The following PTPRK variants were observed in gnomAD, a reference collection of about 807,000 sequenced individuals.
The protein encoded by PTPRK is protein tyrosine phosphatase receptor type K, also known as receptor-type tyrosine-protein phosphatase kappa.
In PTPRK, 75 loss-of-function variants were observed where a neutral mutation model predicts 178.0. The observed-to-expected ratio is 0.42, with a 90% confidence interval of 0.35 to 0.51. The LOEUF is 0.51. PTPRK is among the 20% of genes least tolerant of loss of function. The pLI, the probability that PTPRK is intolerant of heterozygous loss-of-function variation, is 0.02. For synonymous variants in PTPRK, 637 were observed against 620.6 expected, an observed-to-expected ratio of 1.03 and a Z score of -0.39; for missense variants, 1,441 against 1,797.8, an observed-to-expected ratio of 0.80 and a Z score of 3.59.
chr6:128,341,814 G>T (rs1045914946), intron 2 of PTPRK, among the ~76,000 whole-genome samples: 1 of 152,152 alleles, frequency 6.6e-6, no homozygotes, highest in African/African-American at 2.4e-5. Context: ...GAGAATACAG[G>T]TTTATTTGTC....
intron 13 of PTPRK, among the ~76,000 whole-genome samples, chr6:128,061,141 C>T (rs1780730888): frequency 6.6e-6 from 1 of 151,868 alleles, no homozygotes; most frequent in Non-Finnish European, 1.5e-5. Context: ...GTTTTATTTT[C>T]TATTATAAAT....
At chr6:128,188,695 A>T (rs1470943637) in intron 6 of PTPRK, among the ~76,000 whole-genome samples, 2 of 152,200 alleles carry the variant, frequency 1.3e-5, no homozygotes, top group Admixed American at 6.5e-5. Flanking sequence ...ATCTGAAATC[A>T]GTACCACTCG....
At chr6:128,318,654 C>T (rs1259101775) in intron 3 of PTPRK, among the ~76,000 whole-genome samples, 7 of 152,266 alleles carry the variant, frequency 4.6e-5, no homozygotes, top group South Asian at 4.1e-4. Context: ...AAGTTACATA[C>T]GTCTGCCTGC....
At chr6:128,257,039 T>A (rs766754874) in intron 3 of PTPRK, among the ~76,000 whole-genome samples, 3 of 151,794 alleles carry the variant, frequency 2.0e-5, no homozygotes, top group Non-Finnish European at 2.9e-5. Flanking sequence ...GAGACCAGAC[T>A]GACCAACAAG....
intron 7 of PTPRK, among the ~76,000 whole-genome samples, chr6:128,137,442 A>G (rs1795170579): frequency 6.6e-6 from 1 of 152,120 alleles, no homozygotes; most frequent in Non-Finnish European, 1.5e-5. Flanking sequence ...AATTATCTTA[A>G]CTGCTATAGT....
intron 2 of PTPRK, among the ~76,000 whole-genome samples, chr6:128,374,726 A>T (rs1163261072): frequency 6.6e-6 from 1 of 152,036 alleles, no homozygotes; most frequent in Non-Finnish European, 1.5e-5. Context: ...TCCCATCCCA[A>T]TGTCTACTCT....
At chr6:128,147,675 T>A (rs1184722799) in intron 7 of PTPRK, among the ~76,000 whole-genome samples, 1 of 152,098 alleles carries the variant, frequency 6.6e-6, no homozygotes, top group Non-Finnish European at 1.5e-5. Flanking sequence ...CAAATGTTTT[T>A]AAAACTCTAT....
At chr6:128,190,852 C>G (rs928903214) in intron 6 of PTPRK, among the ~76,000 whole-genome samples, 17 of 152,096 alleles carry the variant, frequency 1.1e-4, no homozygotes, top group Non-Finnish European at 1.9e-4. Flanking sequence ...TTGTACTGGT[C>G]AAATAAAGTT....
chr6:128,172,509 C>T (rs989482162), intron 7 of PTPRK, among the ~76,000 whole-genome samples: 1 of 151,750 alleles, frequency 6.6e-6, no homozygotes, highest in African/African-American at 2.4e-5. Flanking sequence ...ATTATTTTCG[C>T]TCATTACCAA....
chr6:128,008,324 G>T (rs1778661198), intron 14 of PTPRK, among the ~76,000 whole-genome samples: 1 of 94,100 alleles, frequency 1.1e-5, no homozygotes, highest in South Asian at 3.9e-4. Context: ...CTGTACTTTT[G>T]CTTATAAATA....
intron 2 of PTPRK, among the ~76,000 whole-genome samples, chr6:128,341,057 A>C (rs1178961032): frequency 6.6e-6 from 1 of 152,134 alleles, no homozygotes; most frequent in East Asian, 1.9e-4. Flanking sequence ...TGCTTTAAAA[A>C]CATCAATATG....
intron 1 of PTPRK, among the ~76,000 whole-genome samples, chr6:128,459,507 A>G (rs559599417): frequency 6.6e-6 from 1 of 152,316 alleles, no homozygotes; most frequent in Non-Finnish European, 1.5e-5. Flanking sequence ...TAAAACACAG[A>G]CATCCACAGC....
intron 1 of PTPRK, among the ~76,000 whole-genome samples, chr6:128,413,465 T>C (rs1404419955): frequency 6.6e-6 from 1 of 152,158 alleles, no homozygotes; most frequent in Non-Finnish European, 1.5e-5. Context: ...AGTATAGGAA[T>C]GTCCTCTAGA....
chr6:128,505,266 A>G (rs1856157684), intron 1 of PTPRK, among the ~76,000 whole-genome samples: 1 of 150,606 alleles, frequency 6.6e-6, no homozygotes. Context: ...ACAGGAAGAA[A>G]CCCCATCTCT....
intron 5 of PTPRK, among the ~76,000 whole-genome samples, chr6:128,229,196 C>T (rs1050307845): frequency 1.3e-5 from 2 of 152,060 alleles, no homozygotes; most frequent in Admixed American, 6.5e-5. Flanking sequence ...GTATATTATC[C>T]ATGCAATAGC....
intron 8 of PTPRK, among the ~76,000 whole-genome samples, chr6:128,086,870 A>G (rs1247335592): frequency 6.6e-6 from 1 of 152,106 alleles, no homozygotes; most frequent in African/African-American, 2.4e-5. Context: ...ATACTATGAA[A>G]TAATAATACG....
At chr6:128,397,760 A>G (rs1840508230) in intron 1 of PTPRK, 72 bp from the exon 2 acceptor site, 3 of 1,441,216 alleles carry the variant, frequency 2.1e-6, no homozygotes, top group Non-Finnish European at 2.9e-6. Flanking sequence ...TGGAGAAGGA[A>G]ATGTTATATT....
At chr6:128,229,111 AG>A in intron 5 of PTPRK, among the ~76,000 whole-genome samples, 1 of 151,392 alleles carries the variant, frequency 6.6e-6, no homozygotes, top group East Asian at 2.0e-4. Context: ...TAGATATGAC[AG>A]GTGGGCTAAT....
chr6:128,475,927 A>G (rs554638401), intron 1 of PTPRK, among the ~76,000 whole-genome samples: 1 of 152,202 alleles, frequency 6.6e-6, no homozygotes, highest in East Asian at 1.9e-4. Flanking sequence ...TTTGTGCAGT[A>G]TTTAATACTG....
Sources: gnomAD v4.1 joint callset for allele counts (sites outside exome capture counted in the v4.1 genomes callset) on GRCh38, gnomAD v4.1.1 for gene constraint, MANE v1.5 for transcripts, NCBI Gene and HGNC (gene_info 2026-07-23, HGNC 2026-07-21) for gene names.